RNASEL: variants seen among roughly 807,000 people sequenced by gnomAD.
RNASEL encodes the protein 2-5A-dependent ribonuclease.
In RNASEL, 36 loss-of-function variants were observed where a neutral mutation model predicts 50.9. That is an observed-to-expected ratio of 0.71 (90% CI 0.54 to 0.93). The LOEUF (loss-of-function observed/expected upper bound fraction) is 0.93, where lower values mean the gene tolerates loss of function less well. Among genes scored for constraint, RNASEL ranks in the 40% least tolerant of loss-of-function variants. The pLI is 0.00. For synonymous variants in RNASEL, 335 were observed against 335.6 expected (o/e 1.00, Z 0.02); for missense variants, 860 against 894.5 (o/e 0.96, Z 0.49).
rs1661581713 is a variant in RNASEL at position 182,585,745 on chromosome 1, G to A, written c.1062C>T (p.Tyr354=). 2.5e-6 allele frequency: 4 copies of A among 1,614,116 alleles called. No homozygotes were observed. In the South Asian group the frequency reaches 4.4e-5, roughly 18 times the overall value. The change falls in exon 2 of 7, where the codon TAC becomes TAT. Residue 354 remains tyrosine, a synonymous_variant. Transcript: ENST00000367559. ...ACTTGAGTTTGCCAATCATAGGGCG[G>A]TATATTCTGTGGAGATCCTTCAGGG... ...GAALKDLHRI[Y]RPMIGKLKFF...
chr1:182,582,551 T>C (rs1661516962), intron 3 of RNASEL, among the ~76,000 whole-genome samples: 1 of 152,056 alleles, frequency 6.6e-6, no homozygotes, highest in Non-Finnish European at 1.5e-5. Flanking sequence ...GGACAGAATA[T>C]AGATAAATTG....
chr1:182,581,360 G>A lies in RNASEL; in HGVS notation c.1773-3C>T, dbSNP rs1242531182. 6 of 1,611,998 alleles carry A rather than the reference G, an allele frequency of 3.7e-6. No individual in the cohort carries two copies. In the South Asian group the frequency reaches 5.5e-5, roughly 15 times the overall value. On this transcript the variant is annotated splice_region_variant and splice_polypyrimidine_tract_variant and intron_variant, in intron 4 of 6. Coordinates refer to ENST00000367559, the MANE Select transcript of RNASEL (RefSeq NM_021133.4). ...CATTCCGAAGCGTCCTATAGCGGCT[G>A]AAGATGACTAAATGATCTAAATGAT...
chr1:182,579,113 T>A, intron 5 of RNASEL: 1 of 365,682 alleles, frequency 2.7e-6, no homozygotes, highest in Non-Finnish European at 3.8e-6. Context: ...GAGAAATTAC[T>A]TAATGGGTAC....
At chr1:182,579,933 C>A (rs1661458162) in intron 5 of RNASEL, 2 of 459,944 alleles carry the variant, frequency 4.3e-6, no homozygotes. Flanking sequence ...TCCTTCCCAG[C>A]TTCAAATCCT....
At chr1:182,584,459 G>C (rs1661555000) in intron 2 of RNASEL, among the ~76,000 whole-genome samples, 1 of 152,094 alleles carries the variant, frequency 6.6e-6, no homozygotes, top group Non-Finnish European at 1.5e-5. Flanking sequence ...GCAATTCCAG[G>C]GGCCGAAAGC....
At chr1:182,576,430 C>A in intron 5 of RNASEL, 41 bp from the exon 6 acceptor site, 1 of 1,461,788 alleles carries the variant, frequency 6.8e-7, no homozygotes, top group South Asian at 1.2e-5. Flanking sequence ...GGTAGCAACA[C>A]AAAATAAATC....
intron 3 of RNASEL, among the ~76,000 whole-genome samples, chr1:182,582,760 C>A (rs1661520386): frequency 6.6e-6 from 1 of 152,160 alleles, no homozygotes; most frequent in Non-Finnish European, 1.5e-5. Flanking sequence ...TTTGCACTAG[C>A]CACCAGTCAA....
In RNASEL at chr1:182,573,850, T is replaced by C. The variant is rs1051467342; in HGVS notation, c.*1542A>G. On this transcript the variant is annotated 3_prime_UTR_variant, in exon 7 of 7. Transcript: ENST00000367559. ...TTATCCATTGCTAGATACCTCCTTT[T>C]CAGAAAGAACCTAAGGTACTGTTTT... 1.6e-5 allele frequency: 3 copies of C among 192,156 alleles called. No homozygotes were observed. Among genetic ancestry groups the C allele is most frequent in the South Asian group, 1.9e-4 (1 of 5,188 alleles). 11.9% of individuals were successfully genotyped at this position (192,156 alleles called of 1,614,324 possible). A position where few individuals can be genotyped will look rare whatever the true frequency, so the allele number is the denominator to read the frequency against.
intron 1 of RNASEL, among the ~76,000 whole-genome samples, chr1:182,587,390 G>T (rs1487592183): frequency 6.6e-6 from 1 of 151,772 alleles, no homozygotes; most frequent in East Asian, 1.9e-4. Flanking sequence ...GTTTTAAAGG[G>T]TTTTTTAAAA....
rs1661611733 is a variant in RNASEL at position 182,586,877 on chromosome 1, TAATC to T, written c.-75_-72del. On this transcript the variant is annotated 5_prime_UTR_variant, in exon 2 of 7. Transcript: ENST00000367559. ...AAATGCAAATTTATCTCCTAGCACT[TAATC>T]AAAGAAGCTTTGAGTGTAAATTGGG... 6.3e-7 allele frequency: 1 copy of T among 1,593,726 alleles called. No individual in the cohort carries two copies. The highest frequency in any genetic ancestry group is 8.6e-7 in the Non-Finnish European group (1 of 1,165,170).
chr1:182,574,605 AG>A lies in RNASEL; in HGVS notation c.*786del. On this transcript the variant is annotated 3_prime_UTR_variant, in exon 7 of 7. Transcript: ENST00000367559. ...TTTGTTGCAGGGGCTGTCCTGTGCA[AG>A]GCAGGTTTGGCAGCATCCCTGGTCT... 2 of 232,848 alleles carry A rather than the reference AG, an allele frequency of 8.6e-6. No individual in the cohort carries two copies. The highest frequency in any genetic ancestry group is 8.5e-6 in the Non-Finnish European group (1 of 117,882). The allele number at this position is 232,848 out of a possible 1,614,324, so 14.4% of individuals were successfully genotyped here. A position where few individuals can be genotyped will look rare whatever the true frequency, so the allele number is the denominator to read the frequency against.
chr1:182,577,573 A>T lies in RNASEL; in HGVS notation c.1906-1184T>A, dbSNP rs549079303. Reference sequence around the variant, plus strand: ...TCACCCCGCCCAAAGCAATCTACAGATTCAATGCAATCCCTATCAAAATAC... The same window carrying T: ...TCACCCCGCCCAAAGCAATCTACAGTTTCAATGCAATCCCTATCAAAATAC... On this transcript the variant is annotated intron_variant, in intron 5 of 6. Transcript: ENST00000367559. Among the ~76,000 whole-genome samples, 56 of 152,322 alleles carry T rather than the reference A, an allele frequency of 3.7e-4. 1 individual carries two copies. The Middle Eastern group carries it at 0.014, about 37-fold the overall frequency.
At chr1:182,587,097 GAAT>G (rs1372473325) in intron 1 of RNASEL, 127 bp from the exon 2 acceptor site, 12 of 222,166 alleles carry the variant, frequency 5.4e-5, no homozygotes, top group East Asian at 3.3e-4. Flanking sequence ...TTAAATTACA[GAAT>G]ATTATAAATA....
At chr1:182,582,402 T>A in intron 3 of RNASEL, 144 bp from the exon 4 acceptor site, 1 of 911,346 alleles carries the variant, frequency 1.1e-6, no homozygotes. Flanking sequence ...AAGGCACAGA[T>A]GTGTGCATAC....
chr1:182,579,064 G>T, intron 5 of RNASEL: 1 of 169,086 alleles, frequency 5.9e-6, no homozygotes, highest in Non-Finnish European at 1.2e-5. Flanking sequence ...TAATATAATT[G>T]GAGACTTGGA....
At chr1:182,579,790 T>G in intron 5 of RNASEL, 6 of 1,089,238 alleles carry the variant, frequency 5.5e-6, no homozygotes, top group Non-Finnish European at 7.3e-6. Context: ...TGCCAATCTC[T>G]GACTGTCCAG....
Position 182,585,398 on chromosome 1 carries a change from TTAAA to T in RNASEL, c.1405_1408del (p.Phe469ArgfsTer23). ...GGACAAGTGTAGTTCTTGAACAGCC[TTAAA>T]TATAGATGACAGGACATTTCGGGCA... is the stretch of plus-strand genomic sequence containing the variant. On this transcript the variant is annotated frameshift_variant, in exon 2 of 7. Transcript: ENST00000367559. LOFTEE classifies it high-confidence loss of function. The T allele has an allele frequency of 2.5e-6, 4 of 1,614,184 alleles. No individual in the cohort carries two copies. Among genetic ancestry groups the T allele is most frequent in the African/African-American group, 1.3e-5 (1 of 75,028 alleles).
At chr1:182,579,117 T>A (rs1026268201) in intron 5 of RNASEL, 5 of 378,572 alleles carry the variant, frequency 1.3e-5, no homozygotes, top group Non-Finnish European at 1.8e-5. Context: ...AATTACTTAA[T>A]GGGTACAATG....
At position 182,575,438 on chromosome 1, in the gene RNASEL, C is replaced by A; in HGVS notation, c.2180G>T (p.Cys727Phe). The A allele has an allele frequency of 6.2e-7, 1 of 1,614,200 alleles. No individual in the cohort carries two copies. Among genetic ancestry groups the A allele is most frequent in the Non-Finnish European group, 8.5e-7 (1 of 1,180,038 alleles). The change falls in exon 7 of 7, where the codon TGT (cysteine) becomes TTT (phenylalanine). Residue 727 changes from cysteine (C) to phenylalanine (F), a missense_variant. Transcript: ENST00000367559. The stretch of plus-strand genomic sequence containing the variant: ...CCCACTGGCCCCACCAGCTCCATCA[C>A]ACTGAGGCTTGTTTGGACTGTGGGT... ...PQTHSPNKPQ[C>F]DGAGGASGLA...
Sources: allele counts gnomAD v4.1 joint callset (sites outside exome capture counted in the v4.1 genomes callset), GRCh38; gene constraint gnomAD v4.1.1; transcripts MANE v1.5; gene names NCBI Gene and HGNC (gene_info 2026-07-23, HGNC 2026-07-21).